The following EIF3H variants were observed in gnomAD, a reference collection of about 807,000 sequenced individuals.
EIF3H encodes eIF-3-gamma.
Under a neutral mutation model 44.2 loss-of-function variants are expected in EIF3H, and 26 were observed. The observed-to-expected ratio is 0.59, with a 90% CI of 0.43 to 0.82. EIF3H has a LOEUF of 0.82. Ranked by LOEUF, EIF3H falls within the 40% of genes least tolerant of loss-of-function variation. The pLI, the probability that EIF3H is intolerant of heterozygous loss-of-function variation, is 0.00. For missense variants in EIF3H, 359 were observed against 432.8 expected, an observed-to-expected ratio of 0.83 and a Z score of 1.51; for synonymous variants, 166 against 151.9, an observed-to-expected ratio of 1.09 and a Z score of -0.68.
intron 2 of EIF3H, among the ~76,000 whole-genome samples, chr8:116,714,801 A>G (rs755909851): frequency 5.3e-5 from 8 of 152,104 alleles, no homozygotes; most frequent in Non-Finnish European, 8.8e-5. Flanking sequence ...AGACAAAATA[A>G]TAAGTAAACA....
At chr8:116,724,763 C>A (rs139675045) in intron 2 of EIF3H, among the ~76,000 whole-genome samples, 1,556 of 152,142 alleles carry the variant, frequency 0.01, 27 homozygotes, top group African/African-American at 0.035. Context: ...GTTAAAATGG[C>A]CATTATCAAA....
intron 2 of EIF3H, among the ~76,000 whole-genome samples, chr8:116,665,111 G>A (rs1287514223): frequency 6.6e-6 from 1 of 152,140 alleles, no homozygotes; most frequent in Non-Finnish European, 1.5e-5. Context: ...CATTTTGAGA[G>A]CCTCATTACT....
intron 2 of EIF3H, among the ~76,000 whole-genome samples, chr8:116,669,636 C>T (rs542876631): frequency 6.6e-6 from 1 of 152,248 alleles, no homozygotes; most frequent in South Asian, 2.1e-4. Context: ...GCTTCCTTTA[C>T]CTTCAAACAT....
intron 1 of EIF3H, among the ~76,000 whole-genome samples, chr8:116,745,317 T>C (rs931383148): frequency 1.3e-5 from 2 of 152,216 alleles, no homozygotes; most frequent in Non-Finnish European, 2.9e-5. Context: ...TGTAAGAAAT[T>C]ACCCATTCAG....
At chr8:116,705,493 C>T (rs568115026) in intron 2 of EIF3H, among the ~76,000 whole-genome samples, 5 of 123,038 alleles carry the variant, frequency 4.1e-5, no homozygotes, top group African/African-American at 8.3e-5. Flanking sequence ...CATGTTACAC[C>T]CCCCCCCACC....
chr8:116,683,056 C>T (rs1331755893), intron 2 of EIF3H, among the ~76,000 whole-genome samples: 1 of 152,166 alleles, frequency 6.6e-6, no homozygotes, highest in Non-Finnish European at 1.5e-5. Context: ...ATAGACATCC[C>T]TTCTATCAGG....
chr8:116,663,502 G>C (rs770402406), intron 2 of EIF3H, among the ~76,000 whole-genome samples: 1 of 152,164 alleles, frequency 6.6e-6, no homozygotes. Flanking sequence ...TAATCCTCTT[G>C]GGAGGGAGAA....
At chr8:116,671,948 T>C (rs1489656292) in intron 2 of EIF3H, among the ~76,000 whole-genome samples, 1 of 152,104 alleles carries the variant, frequency 6.6e-6, no homozygotes, top group East Asian at 1.9e-4. Context: ...AAATAATAAA[T>C]CAAAGCAGAG....
exon 1 of EIF3H, chr8:116,765,978 T>C (rs999834062): frequency 1.3e-5 from 2 of 152,206 alleles, no homozygotes; most frequent in African/African-American, 4.8e-5. Context: ...GCAAGAACAT[T>C]TGAACTTCAG....
At chr8:116,671,475 C>T (rs1813753328) in intron 2 of EIF3H, among the ~76,000 whole-genome samples, 1 of 152,194 alleles carries the variant, frequency 6.6e-6, no homozygotes, top group East Asian at 1.9e-4. Flanking sequence ...GATTATGAGG[C>T]TCAGTTAGAC....
At chr8:116,658,563 A>G (rs4602925) in intron 3 of EIF3H, 19,534 of 366,420 alleles carry the variant, frequency 0.053, 728 homozygotes, top group African/African-American at 0.11. Flanking sequence ...GGGAGGGGAG[A>G]TGGAGGAATA....
At chr8:116,764,903 T>C (rs1458003867) in intron 1 of EIF3H, among the ~76,000 whole-genome samples, 1 of 152,210 alleles carries the variant, frequency 6.6e-6, no homozygotes, top group Non-Finnish European at 1.5e-5. Context: ...ACTGGCACTG[T>C]CATATACATA....
chr8:116,725,983 C>T (rs1203475605), intron 2 of EIF3H, 33 bp downstream of exon 2: 1 of 1,602,770 alleles, frequency 6.2e-7, no homozygotes, highest in African/African-American at 1.3e-5. Context: ...TTTGTATGCA[C>T]TGCAAAGACA....
At chr8:116,721,198 C>G (rs1814740164) in intron 2 of EIF3H, among the ~76,000 whole-genome samples, 1 of 152,166 alleles carries the variant, frequency 6.6e-6, no homozygotes, top group South Asian at 2.1e-4. Flanking sequence ...GCCACTCTAG[C>G]CATGGCTAAA....
intron 2 of EIF3H, among the ~76,000 whole-genome samples, chr8:116,706,259 C>G (rs1050973992): frequency 2.0e-5 from 3 of 152,180 alleles, no homozygotes; most frequent in Admixed American, 1.3e-4. Context: ...AACACAGCCC[C>G]TTGGTTTTCA....
At chr8:116,759,818 C>T (rs1158587400), upstream of EIF3H, among the ~76,000 whole-genome samples, 1 of 152,126 alleles carries the variant, frequency 6.6e-6, no homozygotes, top group Non-Finnish European at 1.5e-5. Context: ...CAGCCTCAAC[C>T]TCCCCAGGCT....
chr8:116,703,629 T>C (rs1814417459), intron 2 of EIF3H, among the ~76,000 whole-genome samples: 1 of 152,188 alleles, frequency 6.6e-6, no homozygotes, highest in Non-Finnish European at 1.5e-5. Flanking sequence ...TCTCTCCGCC[T>C]CGGCTACCAA....
At chr8:116,706,243 C>G (rs1814467907) in intron 2 of EIF3H, among the ~76,000 whole-genome samples, 2 of 152,204 alleles carry the variant, frequency 1.3e-5, no homozygotes, top group Admixed American at 1.3e-4. Flanking sequence ...TCTGTAAGCT[C>G]TGAAGAACAC....
At chr8:116,728,915 T>C (rs901565408) in intron 1 of EIF3H, among the ~76,000 whole-genome samples, 3 of 152,208 alleles carry the variant, frequency 2.0e-5, no homozygotes, top group African/African-American at 4.8e-5. Flanking sequence ...GTCTGCCACA[T>C]AGTAAGTGCT....
Sources: allele counts gnomAD v4.1 joint callset (sites outside exome capture counted in the v4.1 genomes callset), GRCh38; gene constraint gnomAD v4.1.1; transcripts MANE v1.5; gene names NCBI Gene and HGNC (gene_info 2026-07-23, HGNC 2026-07-21).